The following SENP6 variants were observed in gnomAD, a reference collection of about 807,000 sequenced individuals.
The protein encoded by SENP6 is sentrin-specific protease 6.
A neutral mutation model predicts 134.5 loss-of-function variants in SENP6; 41 were observed. The observed-to-expected ratio is 0.30, with a 90% confidence interval of 0.24 to 0.40. The LOEUF (loss-of-function observed/expected upper bound fraction) is 0.40, where lower values mean the gene tolerates loss of function less well. Ranked by LOEUF, SENP6 falls within the 10% of genes least tolerant of loss-of-function variation. The pLI is 1.00. For missense variants in SENP6, 1,248 were observed against 1,312.5 expected, an observed-to-expected ratio of 0.95 and a Z score of 0.76; for synonymous variants, 395 against 429.8, an observed-to-expected ratio of 0.92 and a Z score of 1.00.
At chr6:75,709,395 T>C (rs893991108) in intron 19 of SENP6, 132 bp from the exon 20 acceptor site, 3 of 554,826 alleles carry the variant, frequency 5.4e-6, no homozygotes, top group African/African-American at 3.7e-5. Flanking sequence ...GTTTGTGATA[T>C]TACACACTAA....
At chr6:75,673,303 A>G (rs1184629351) in intron 11 of SENP6, among the ~76,000 whole-genome samples, 1 of 150,616 alleles carries the variant, frequency 6.6e-6, no homozygotes, top group Non-Finnish European at 1.5e-5. Flanking sequence ...ATGTAGATGA[A>G]ATAGACCAAT....
intron 23 of SENP6, among the ~76,000 whole-genome samples, chr6:75,714,214 A>G (rs1315115140): frequency 6.6e-6 from 1 of 152,186 alleles, no homozygotes; most frequent in Non-Finnish European, 1.5e-5. Flanking sequence ...TCAAATCTCT[A>G]AAATCTGGCT....
intron 7 of SENP6, among the ~76,000 whole-genome samples, chr6:75,652,683 CAAAAAA>C (rs71002754): frequency 5.3e-5 from 4 of 75,856 alleles, no homozygotes; most frequent in African/African-American, 2.5e-4. Flanking sequence ...CTAAAAATCT[CAAAAAA>C]AAAAAAAAAA....
chr6:75,628,443 T>C (rs1264868989), intron 3 of SENP6, among the ~76,000 whole-genome samples: 1 of 152,110 alleles, frequency 6.6e-6, no homozygotes, highest in Non-Finnish European at 1.5e-5. Flanking sequence ...TTATTAAATT[T>C]ATTATGCAAA....
chr6:75,653,108 G>A (rs971007178), intron 7 of SENP6, among the ~76,000 whole-genome samples: 8 of 151,814 alleles, frequency 5.3e-5, no homozygotes. Context: ...TCAGCTCACC[G>A]CAACCTCCAC....
chr6:75,675,519 C>A, intron 12 of SENP6, 51 bp downstream of exon 12: 1 of 1,097,984 alleles, frequency 9.1e-7, no homozygotes, highest in Non-Finnish European at 1.3e-6. Flanking sequence ...TACACCAAAG[C>A]ACTTTACAGG....
chr6:75,715,199 C>G (rs1775962318), intron 23 of SENP6, among the ~76,000 whole-genome samples, 186 bp from the exon 24 acceptor site: 1 of 152,082 alleles, frequency 6.6e-6, no homozygotes, highest in South Asian at 2.1e-4. Flanking sequence ...ACTATAAGAT[C>G]TATGATAGAA....
chr6:75,651,993 T>C (rs1024592578), intron 7 of SENP6, among the ~76,000 whole-genome samples: 2 of 151,476 alleles, frequency 1.3e-5, no homozygotes, highest in African/African-American at 4.9e-5. Context: ...CTGGGCAACA[T>C]GGTGAAACCC....
intron 19 of SENP6, among the ~76,000 whole-genome samples, chr6:75,707,477 G>A (rs1775483330): frequency 6.9e-6 from 1 of 144,288 alleles, no homozygotes; most frequent in Admixed American, 7.2e-5. Flanking sequence ...AGTCCTCCCA[G>A]CTCAACCCCC....
chr6:75,683,131 T>A (rs1278278569), intron 16 of SENP6, among the ~76,000 whole-genome samples: 2 of 152,190 alleles, frequency 1.3e-5, no homozygotes, highest in Non-Finnish European at 2.9e-5. Flanking sequence ...TCATTGTGGT[T>A]TTTGATTTGC....
At chr6:75,623,526 C>G (rs1042122620) in intron 2 of SENP6, among the ~76,000 whole-genome samples, 18 of 152,028 alleles carry the variant, frequency 1.2e-4, no homozygotes, top group African/African-American at 4.3e-4. Flanking sequence ...TCTTTCTACC[C>G]TTAATTTTCA....
At chr6:75,621,433 A>G (rs940324613) in intron 1 of SENP6, 99 bp from the exon 2 acceptor site, 41 of 737,872 alleles carry the variant, frequency 5.6e-5, no homozygotes, top group Non-Finnish European at 8.1e-5. Context: ...AAATTAAAAC[A>G]AAATCTAGAA....
In SENP6 at chr6:75,623,907, A is replaced by T; in HGVS notation, c.154A>T (p.Asn52Tyr). ...SEGDTDKDGTNLLSVDEDEDS... is the reference protein window; with the variant it reads ...SEGDTDKDGTYLLSVDEDEDS... Reference sequence around the variant, plus strand: ...CCCTTATTTTCTGTGTAGTGGGACAAATCTGCTCAGTGTGGATGAAGATGA... The same window carrying T: ...CCCTTATTTTCTGTGTAGTGGGACATATCTGCTCAGTGTGGATGAAGATGA... Residue 52 changes from asparagine (N) to tyrosine (Y), a missense_variant, in exon 3 of 24, where the codon AAT becomes TAT. Transcript: ENST00000447266. 1 of 1,607,110 alleles carries T rather than the reference A, an allele frequency of 6.2e-7. No homozygotes were observed. The highest frequency in any genetic ancestry group is 1.1e-5 in the South Asian group (1 of 89,586).
Position 75,647,799 on chromosome 6 carries a change from T to A in SENP6, c.548T>A (p.Val183Asp). 1.2e-6 allele frequency: 2 copies of A among 1,611,196 alleles called. No individual in the cohort carries two copies. Among genetic ancestry groups the A allele is most frequent in the Non-Finnish European group, 1.7e-6 (2 of 1,178,030 alleles). Residue 183 changes from valine (V) to aspartate (D), a missense_variant and splice_region_variant, in exon 7 of 24, where the codon GTT becomes GAT. By Grantham distance (152) the Val-to-Asp change is radical. Coordinates refer to ENST00000447266, the MANE Select transcript of SENP6 (RefSeq NM_015571.4). ...GTAAGGTTAAGTCGGCTCCAAGGTG[T>A]TGGTAAGTGTGCAGTTTTGTTACAC... ...NPVRLSRLQG[V>D]ERIMKKTEES...
At chr6:75,612,846 G>T (rs776578850) in intron 1 of SENP6, among the ~76,000 whole-genome samples, 12 of 152,156 alleles carry the variant, frequency 7.9e-5, no homozygotes, top group Non-Finnish European at 1.5e-4. Flanking sequence ...AGGCGCAGTG[G>T]CTCACGTCTG....
intron 16 of SENP6, among the ~76,000 whole-genome samples, chr6:75,680,080 T>C (rs569921161): frequency 2.3e-4 from 35 of 152,292 alleles, no homozygotes; most frequent in Middle Eastern, 3.4e-3. Flanking sequence ...AGAAGCCTAT[T>C]TAAGATATTT....
intron 1 of SENP6, among the ~76,000 whole-genome samples, chr6:75,608,991 G>A (rs1230877964): frequency 6.6e-6 from 1 of 152,122 alleles, no homozygotes. Flanking sequence ...TAATGAGAGA[G>A]GAAAGAGAAT....
At chr6:75,684,501 T>G (rs1773691990) in intron 16 of SENP6, among the ~76,000 whole-genome samples, 1 of 152,206 alleles carries the variant, frequency 6.6e-6, no homozygotes, top group Non-Finnish European at 1.5e-5. Context: ...TGCTTCCAGT[T>G]TTTGCCCATT....
chr6:75,715,425 A>T lies in SENP6; in HGVS notation c.3170A>T (p.Asn1057Ile). 1 of 1,613,402 alleles carries T rather than the reference A, an allele frequency of 6.2e-7. No individual in the cohort carries two copies. The highest frequency in any genetic ancestry group is 8.5e-7 in the Non-Finnish European group (1 of 1,179,522). ...TTTGAACTACCTATGAATTTGGCAA[A>T]CTGGTTTCCTCCACCAAGAATGAGA... ...LSFELPMNLANWFPPPRMRTK... is the reference protein window; with the variant it reads ...LSFELPMNLAIWFPPPRMRTK... The change falls in exon 24 of 24, where the codon AAC becomes ATC. Residue 1057 changes from asparagine (N) to isoleucine (I), a missense_variant. Transcript: ENST00000447266.
Sources: allele counts gnomAD v4.1 joint callset (sites outside exome capture counted in the v4.1 genomes callset), GRCh38; gene constraint gnomAD v4.1.1; transcripts MANE v1.5; gene names NCBI Gene and HGNC (gene_info 2026-07-23, HGNC 2026-07-21).